IL18: variants seen among roughly 807,000 people sequenced by gnomAD.
The protein encoded by IL18 is interleukin-18.
In IL18, 8 loss-of-function variants were observed where a neutral mutation model predicts 14.2. The observed-to-expected ratio is 0.56, with a 90% confidence interval of 0.33 to 1.01. The LOEUF (loss-of-function observed/expected upper bound fraction) is 1.01, where lower values mean the gene tolerates loss of function less well. IL18 is among the 50% of genes least tolerant of loss of function. The pLI, the probability that IL18 is intolerant of heterozygous loss-of-function variation, is 0.03. For missense variants in IL18, 166 were observed against 231.1 expected (o/e 0.72, Z 1.83); for synonymous variants, 67 against 71.0 (o/e 0.94, Z 0.28).
chr11:112,146,972 C>T (rs1346749335), intron 5 of IL18, among the ~76,000 whole-genome samples: 1 of 147,290 alleles, frequency 6.8e-6, no homozygotes, highest in Non-Finnish European at 1.5e-5. Flanking sequence ...CTCTTGTTGC[C>T]CAGGCTGGAG....
At chr11:112,151,763 G>C (rs926298810) in intron 3 of IL18, among the ~76,000 whole-genome samples, 1 of 152,138 alleles carries the variant, frequency 6.6e-6, no homozygotes, top group East Asian at 1.9e-4. Flanking sequence ...GATTCTCAAG[G>C]CTGCAAAATT....
chr11:112,160,780 A>C (rs1024465526), intron 1 of IL18, among the ~76,000 whole-genome samples: 1 of 152,198 alleles, frequency 6.6e-6, no homozygotes, highest in African/African-American at 2.4e-5. Flanking sequence ...ACAGAATTTT[A>C]AAAATAGAAT....
At chr11:112,147,243 T>C (rs1011319710) in intron 5 of IL18, among the ~76,000 whole-genome samples, 5 of 152,164 alleles carry the variant, frequency 3.3e-5, no homozygotes, top group Non-Finnish European at 5.9e-5. Context: ...TTCTTTTTCT[T>C]TAAAAGGGCC....
At chr11:112,146,423 C>T (rs751931402) in intron 5 of IL18, among the ~76,000 whole-genome samples, 32 of 152,190 alleles carry the variant, frequency 2.1e-4, no homozygotes, top group South Asian at 4.2e-4. Flanking sequence ...TGGTTTCAAG[C>T]GATTCTTCTG....
intron 5 of IL18, among the ~76,000 whole-genome samples, chr11:112,147,512 T>C (rs751889745): frequency 5.9e-5 from 9 of 152,124 alleles, no homozygotes; most frequent in Non-Finnish European, 1.3e-4. Flanking sequence ...CTTTCCACCC[T>C]ACCCTTCCAT....
At chr11:112,149,725 A>G (rs569931680) in intron 4 of IL18, among the ~76,000 whole-genome samples, 10 of 151,970 alleles carry the variant, frequency 6.6e-5, no homozygotes, top group Admixed American at 3.3e-4. Flanking sequence ...AGGATTACAG[A>G]TAGATGCCAC....
intron 1 of IL18, among the ~76,000 whole-genome samples, chr11:112,160,671 A>T (rs1264997621): frequency 1.3e-5 from 2 of 152,212 alleles, no homozygotes; most frequent in African/African-American, 2.4e-5. Flanking sequence ...ACAACAGCGT[A>T]GAAAGGGATG....
In IL18 at chr11:112,161,129, A is replaced by G. The variant is rs1311882415; in HGVS notation, c.-9+2777T>C. On this transcript the variant is annotated intron_variant, in intron 1 of 5. Coordinates refer to ENST00000280357, the MANE Select transcript of IL18 (RefSeq NM_001562.4). ...CCTCAGAAAGATCCTCCCAGGAGTAAGCAGTGACAATTTGTTCTTTAAAAC... is the reference window on the plus strand; with the variant it reads ...CCTCAGAAAGATCCTCCCAGGAGTAGGCAGTGACAATTTGTTCTTTAAAAC... Among the ~76,000 whole-genome samples the G allele has an allele frequency of 4.6e-5, 7 of 152,106 alleles. No homozygotes were observed. The East Asian group carries it at 1.3e-3, about 29-fold the overall frequency.
chr11:112,162,638 C>G (rs1402749507), intron 1 of IL18, among the ~76,000 whole-genome samples: 1 of 152,116 alleles, frequency 6.6e-6, no homozygotes, highest in African/African-American at 2.4e-5. Flanking sequence ...AGCCACTGCA[C>G]CCAACCTGTG....
chr11:112,157,059 C>T (rs995178039), intron 1 of IL18, among the ~76,000 whole-genome samples: 1 of 152,052 alleles, frequency 6.6e-6, no homozygotes, highest in Non-Finnish European at 1.5e-5. Context: ...GTGAGCTCCA[C>T]GAGGGCATGT....
rs1866530170 is a variant in IL18 at position 112,156,282 on chromosome 11, A to G, written c.-8-1221T>C. Reference sequence around the variant, plus strand: ...CAAAATAGTTGTTAGTTGGTGTTATACAACTAACTTTGTATAATTTTGGCC... The same window carrying G: ...CAAAATAGTTGTTAGTTGGTGTTATGCAACTAACTTTGTATAATTTTGGCC... On this transcript the variant is annotated intron_variant, in intron 1 of 5. Transcript: ENST00000280357. 2.6e-5 allele frequency among the ~76,000 whole-genome samples: 4 copies of G among 152,188 alleles called. No homozygotes were observed. In the South Asian group the frequency reaches 8.3e-4, roughly 31 times the overall value.
intron 5 of IL18, among the ~76,000 whole-genome samples, chr11:112,145,734 G>A (rs895228641): frequency 6.1e-5 from 9 of 148,264 alleles, no homozygotes; most frequent in South Asian, 2.1e-4. Flanking sequence ...GCGAGACTCC[G>A]TTTCAAAAAA....
chr11:112,161,470 T>C (rs1193628669), intron 1 of IL18, among the ~76,000 whole-genome samples: 10 of 152,228 alleles, frequency 6.6e-5, no homozygotes, highest in Admixed American at 6.5e-4. Context: ...ATATTTATTA[T>C]ACAACCAGCA....
At chr11:112,148,500 T>C in intron 5 of IL18, 103 bp downstream of exon 5, 2 of 581,110 alleles carry the variant, frequency 3.4e-6, no homozygotes, top group Non-Finnish European at 5.2e-6. Context: ...GATATTTGAG[T>C]TTTCTAATTA....
intron 1 of IL18, among the ~76,000 whole-genome samples, chr11:112,158,557 C>T (rs1033959561): frequency 1.4e-4 from 16 of 115,968 alleles, no homozygotes; most frequent in African/African-American, 5.3e-4. Flanking sequence ...CAATACATCC[C>T]TTAGCACTTG....
At chr11:112,145,680 A>G (rs1032406129) in intron 5 of IL18, among the ~76,000 whole-genome samples, 3 of 152,088 alleles carry the variant, frequency 2.0e-5, no homozygotes, top group African/African-American at 7.2e-5. Flanking sequence ...CAGAGCTTGC[A>G]GTGAGCTGAG....
rs190516645 is a variant in IL18 at position 112,144,654 on chromosome 11, C to T, written c.361-837G>A. 5.9e-5 allele frequency among the ~76,000 whole-genome samples: 9 copies of T among 152,304 alleles called. No individual in the cohort carries two copies. In the East Asian group the frequency reaches 1.7e-3, roughly 29 times the overall value. On this transcript the variant is annotated intron_variant, in intron 5 of 5. Transcript: ENST00000280357. ...AATTAAAACTTACAGTGAATAGACC[C>T]AATAATTGTTGTAGGGCTAGGCCCT... is the stretch of plus-strand genomic sequence containing the variant.
chr11:112,164,016 A>C lies in IL18; in HGVS notation c.-119T>G, dbSNP rs360718. On this transcript the variant is annotated 5_prime_UTR_variant, in exon 1 of 6. Transcript: ENST00000280357. Reference sequence around the variant, plus strand: ...AGGTGGCAGCCGCTTTAGCAGCCAGAGTTGGCAGCCAGGAGGGCAAAATGC... The same window carrying C: ...AGGTGGCAGCCGCTTTAGCAGCCAGCGTTGGCAGCCAGGAGGGCAAAATGC... 0.26 allele frequency: 38,965 copies of C among 152,320 alleles called. 5,162 individuals are homozygous for C. The highest frequency in any genetic ancestry group is 0.3 in the Admixed American group (4,584 of 15,280). The allele number at this position is 152,320 out of a possible 1,614,324, so 9.4% of individuals were successfully genotyped here. A position where few individuals can be genotyped will look rare whatever the true frequency, so the allele number is the denominator to read the frequency against.
intron 1 of IL18, among the ~76,000 whole-genome samples, chr11:112,161,800 A>AAAC (rs747369122): frequency 6.6e-5 from 10 of 152,100 alleles, no homozygotes; most frequent in Non-Finnish European, 1.0e-4. Context: ...GCTCCATCTC[A>AAAC]AACAACAACA....
Sources: gnomAD v4.1 joint callset for allele counts (sites outside exome capture counted in the v4.1 genomes callset) on GRCh38, gnomAD v4.1.1 for gene constraint, MANE v1.5 for transcripts, NCBI Gene and HGNC (gene_info 2026-07-23, HGNC 2026-07-21) for gene names.